The following BRAF variants were observed in gnomAD, a reference collection of about 807,000 sequenced individuals.
BRAF encodes the protein B-Raf proto-oncogene, serine/threonine kinase.
A neutral mutation model predicts 104.6 loss-of-function variants in BRAF; 16 were observed. That is an observed-to-expected ratio of 0.15 (90% confidence interval 0.10 to 0.23). BRAF has a LOEUF of 0.23. Ranked by LOEUF, BRAF falls within the 10% of genes least tolerant of loss-of-function variation. BRAF has a pLI of 1.00. For synonymous variants in BRAF, 310 were observed against 341.6 expected, an observed-to-expected ratio of 0.91 and a Z score of 1.02; for missense variants, 541 against 937.3, an observed-to-expected ratio of 0.58 and a Z score of 5.52.
chr7:140,909,462 C>G (rs1284737410), intron 1 of BRAF, among the ~76,000 whole-genome samples: 1 of 151,964 alleles, frequency 6.6e-6, no homozygotes, highest in Admixed American at 6.6e-5. Context: ...GATAATCTAC[C>G]TTAGTGCAAT....
At chr7:140,913,635 AC>A (rs1487615082) in intron 1 of BRAF, among the ~76,000 whole-genome samples, 1 of 151,922 alleles carries the variant, frequency 6.6e-6, no homozygotes, top group Non-Finnish European at 1.5e-5. Context: ...GGCACATGCC[AC>A]CAGGCCCAGC....
At chr7:140,763,031 T>C (rs1293640704) in intron 14 of BRAF, among the ~76,000 whole-genome samples, 1 of 152,172 alleles carries the variant, frequency 6.6e-6, no homozygotes, top group Non-Finnish European at 1.5e-5. Context: ...ACGGCAACCA[T>C]CCGATTTCTC....
At chr7:140,757,469 T>C (rs1371271560) in intron 14 of BRAF, among the ~76,000 whole-genome samples, 1 of 152,090 alleles carries the variant, frequency 6.6e-6, no homozygotes, top group Non-Finnish European at 1.5e-5. Flanking sequence ...TTTGTGTTTT[T>C]AGTAGAGATG....
chr7:140,896,015 G>A (rs534174348), intron 1 of BRAF, among the ~76,000 whole-genome samples: 75 of 152,136 alleles, frequency 4.9e-4, no homozygotes, highest in African/African-American at 1.6e-3. Context: ...CACCAAGAGC[G>A]TCCAAGAGTT....
chr7:140,856,274 A>T (rs1004630161), intron 1 of BRAF, among the ~76,000 whole-genome samples: 4 of 151,878 alleles, frequency 2.6e-5, no homozygotes, highest in Admixed American at 2.0e-4. Context: ...GAACAGAGGG[A>T]GGGAAGGGAG....
chr7:140,734,383 G>A (rs897814506), intron 19 of BRAF: 26 of 1,409,426 alleles, frequency 1.8e-5, no homozygotes, highest in Non-Finnish European at 2.4e-5. Context: ...TTTTAGCAAT[G>A]TCTATGTATT....
chr7:140,834,977 AG>A (rs1032184254), intron 2 of BRAF, 105 bp from the exon 3 acceptor site: 1 of 1,306,338 alleles, frequency 7.7e-7, no homozygotes, highest in African/African-American at 1.5e-5. Flanking sequence ...ACCAGTTGAT[AG>A]GGTTTTAAGT....
rs370332827 is a variant in BRAF at position 140,734,786 on chromosome 7, G to GAAAAAAAAA, written c.2248-25_2248-17dup. On this transcript the variant is annotated splice_polypyrimidine_tract_variant and intron_variant, in intron 18 of 19. Coordinates refer to ENST00000644969, the MANE Select transcript of BRAF (RefSeq NM_001374258.1). ...AGGCGAGAATCTACAAAAAAAAAAA[G>GAAAAAAAAA]AAAAAAAAAAGAAAAAAAAAGAAAA... The GAAAAAAAAA allele has an allele frequency of 1.3e-5, 11 of 823,276 alleles. No homozygotes were observed. The highest frequency in any genetic ancestry group is 5.2e-5 in the African/African-American group (1 of 19,060). 51.0% of individuals were successfully genotyped at this position (823,276 alleles called of 1,614,324 possible). A position where few individuals can be genotyped will look rare whatever the true frequency, so the allele number is the denominator to read the frequency against.
intron 18 of BRAF, among the ~76,000 whole-genome samples, chr7:140,739,095 G>A (rs985424559): frequency 1.3e-5 from 2 of 151,978 alleles, no homozygotes; most frequent in African/African-American, 4.8e-5. Flanking sequence ...CAGTATTAAA[G>A]GAAAGCTTGA....
rs2130815850 is a variant in BRAF at position 140,720,222 on chromosome 7, T to C, written c.*6272A>G. The C allele has an allele frequency of 9.4e-7, 1 of 1,062,746 alleles. No homozygotes were observed. The highest frequency in any genetic ancestry group is 4.2e-4 in the Middle Eastern group (1 of 2,376). 65.8% of individuals were successfully genotyped at this position (1,062,746 alleles called of 1,614,324 possible). A position where few individuals can be genotyped will look rare whatever the true frequency, so the allele number is the denominator to read the frequency against. Reference sequence around the variant, plus strand: ...CAGATGTACAACCAACAAATGAGATTACCACAAATACATATCACTGTGATA... The same window carrying C: ...CAGATGTACAACCAACAAATGAGATCACCACAAATACATATCACTGTGATA... On this transcript the variant is annotated 3_prime_UTR_variant, in exon 20 of 20. Transcript: ENST00000644969.
chr7:140,767,722 G>C (rs1475929838), intron 14 of BRAF, among the ~76,000 whole-genome samples: 2 of 152,328 alleles, frequency 1.3e-5, no homozygotes, highest in East Asian at 3.9e-4. Context: ...GAAGCAACAT[G>C]CTTTAATGGT....
rs1443047646 is a variant in BRAF at position 140,722,574 on chromosome 7, T to A, written c.*3920A>T. On this transcript the variant is annotated 3_prime_UTR_variant, in exon 20 of 20. Transcript: ENST00000644969. ...GGCTATGGTGTTTATAGCCTAATGG[T>A]TGGAATCTGCTCGTCTCAAGGTGCT... The A allele has an allele frequency of 2.8e-6, 3 of 1,055,570 alleles. No individual in the cohort carries two copies. The highest frequency in any genetic ancestry group is 3.4e-6 in the Non-Finnish European group (3 of 873,260). 65.4% of individuals were successfully genotyped at this position (1,055,570 alleles called of 1,614,324 possible). A position where few individuals can be genotyped will look rare whatever the true frequency, so the allele number is the denominator to read the frequency against.
intron 14 of BRAF, among the ~76,000 whole-genome samples, chr7:140,759,729 C>T (rs1798512099): frequency 1.3e-5 from 2 of 152,124 alleles, no homozygotes; most frequent in African/African-American, 2.4e-5. Context: ...CACGAAACAC[C>T]AAAGAAGGAG....
At chr7:140,778,167 C>T in intron 12 of BRAF, 92 bp from the exon 12 acceptor site, 1 of 1,066,244 alleles carries the variant, frequency 9.4e-7, no homozygotes, top group South Asian at 1.3e-5. Context: ...TTATCATAGC[C>T]CTAACTCCAT....
intron 1 of BRAF, among the ~76,000 whole-genome samples, chr7:140,921,698 T>C (rs1269487543): frequency 6.6e-6 from 1 of 152,140 alleles, no homozygotes; most frequent in Non-Finnish European, 1.5e-5. Flanking sequence ...GATGATTTTT[T>C]ACTTTTTGTA....
At chr7:140,922,793 A>G (rs186249688) in intron 1 of BRAF, among the ~76,000 whole-genome samples, 121 of 152,354 alleles carry the variant, frequency 7.9e-4, no homozygotes, top group Non-Finnish European at 2.5e-4. Flanking sequence ...ATGTTTATAA[A>G]TAAGAAGGAA....
At chr7:140,823,257 C>T (rs1471514467) in intron 3 of BRAF, among the ~76,000 whole-genome samples, 2 of 152,104 alleles carry the variant, frequency 1.3e-5, no homozygotes, top group African/African-American at 4.8e-5. Flanking sequence ...TGTTGTGCAA[C>T]CAATCTCCTG....
At chr7:140,801,618 T>G in intron 5 of BRAF, 58 bp from the exon 6 acceptor site, 4 of 1,520,856 alleles carry the variant, frequency 2.6e-6, no homozygotes, top group Non-Finnish European at 3.6e-6. Context: ...TTCTAGAAAC[T>G]GACGTATCTA....
chr7:140,783,461 A>G (rs1801073907), intron 10 of BRAF: 1 of 266,740 alleles, frequency 3.7e-6, no homozygotes, highest in East Asian at 5.6e-5. Context: ...CAGAAATACT[A>G]AAAATACTCC....
Sources: allele counts gnomAD v4.1 joint callset (sites outside exome capture counted in the v4.1 genomes callset), GRCh38; gene constraint gnomAD v4.1.1; transcripts MANE v1.5; gene names NCBI Gene and HGNC (gene_info 2026-07-23, HGNC 2026-07-21).